BIN1: variants seen among roughly 807,000 people sequenced by gnomAD.
The protein encoded by BIN1 is bridging integrator 1, also known as myc box-dependent-interacting protein 1.
BIN1 carries 53 observed loss-of-function variants against 82.0 expected under a neutral mutation model. The observed-to-expected ratio is 0.65, with a 90% CI of 0.52 to 0.81. BIN1 has a LOEUF of 0.81. BIN1 is among the 40% of genes least tolerant of loss of function. BIN1 has a pLI of 0.00. For synonymous variants in BIN1, 302 were observed against 328.0 expected (o/e 0.92, Z 0.86); for missense variants, 642 against 784.4 (o/e 0.82, Z 2.17).
rs554314457 is a variant in BIN1 at position 127,099,811 on chromosome 2, CT to C, written c.84+7048del. ...ACAGGCGTGAGCCACTGCGCCTGGC[CT>C]TTTTTTTTTGAGACGGAGTCTCGCT... On this transcript the variant is annotated intron_variant, in intron 1 of 18. Coordinates refer to ENST00000316724, the MANE Select transcript of BIN1 (RefSeq NM_139343.3). Among the ~76,000 whole-genome samples, 201 of 146,220 alleles carry C rather than the reference CT, an allele frequency of 1.4e-3. 1 individual carries two copies. The highest frequency in any genetic ancestry group is 4.5e-3 in the African/African-American group (178 of 39,730).
chr2:127,094,206 C>T (rs1679296058), intron 1 of BIN1, among the ~76,000 whole-genome samples: 1 of 152,216 alleles, frequency 6.6e-6, no homozygotes, highest in South Asian at 2.1e-4. Context: ...TGAGGAAGAG[C>T]AGAGCTAGGA....
Position 127,070,538 on chromosome 2 carries a change from C to T in BIN1, c.315+15G>A. 2 of 1,613,838 alleles carry T rather than the reference C, an allele frequency of 1.2e-6. No individual in the cohort carries two copies. Among genetic ancestry groups the T allele is most frequent in the Admixed American group, 1.7e-5 (1 of 60,024 alleles). ...GGCCCTCTGAGAAGGGCAGGCCCAC[C>T]TGTCCCATGCTCACCTCTGCGATCT... On this transcript the variant is annotated intron_variant, in intron 4 of 18. Coordinates refer to ENST00000316724, the MANE Select transcript of BIN1 (RefSeq NM_139343.3).
intron 1 of BIN1, among the ~76,000 whole-genome samples, chr2:127,077,666 C>T (rs562770289): frequency 2.6e-5 from 4 of 151,936 alleles, no homozygotes; most frequent in Admixed American, 1.3e-4. Context: ...TGGTGGGGCA[C>T]GGTAGGAAAG....
intron 1 of BIN1, among the ~76,000 whole-genome samples, chr2:127,077,285 G>A (rs546361381): frequency 6.6e-6 from 1 of 151,976 alleles, no homozygotes; most frequent in Non-Finnish European, 1.5e-5. Flanking sequence ...TTTTAGATGT[G>A]ACCTGCCCCA....
intron 1 of BIN1, among the ~76,000 whole-genome samples, chr2:127,099,870 C>A (rs1390746533): frequency 6.6e-6 from 1 of 151,280 alleles, no homozygotes; most frequent in Non-Finnish European, 1.5e-5. Flanking sequence ...GTGGTGTGAT[C>A]TCAGCTCACT....
intron 1 of BIN1, chr2:127,081,803 A>G (rs750208971): frequency 7.8e-7 from 1 of 1,286,824 alleles, no homozygotes; most frequent in South Asian, 1.2e-5. Context: ...CCAGCTGCTG[A>G]GACCCCAGAA....
At chr2:127,070,853 G>T in intron 2 of BIN1, 37 bp from the exon 3 acceptor site, 1 of 1,599,060 alleles carries the variant, frequency 6.3e-7, no homozygotes, top group Admixed American at 1.7e-5. Flanking sequence ...TCAGGGACTG[G>T]TGGCACACCC....
At chr2:127,096,256 C>T (rs1462495610) in intron 1 of BIN1, among the ~76,000 whole-genome samples, 1 of 152,226 alleles carries the variant, frequency 6.6e-6, no homozygotes, top group East Asian at 1.9e-4. Flanking sequence ...TTAGCTTTTT[C>T]AGCCTCTACA....
intron 1 of BIN1, among the ~76,000 whole-genome samples, chr2:127,095,204 C>T (rs1366209515): frequency 2.0e-5 from 3 of 152,218 alleles, no homozygotes; most frequent in Non-Finnish European, 2.9e-5. Context: ...TCAGCTCATT[C>T]CTCGTCCTGG....
rs76414720 is a variant in BIN1, at chr2:127,053,466, G to A, written c.1240-21C>T. The A allele has an allele frequency of 0.13, 209,719 of 1,612,524 alleles. 14,644 individuals are homozygous for A. The highest frequency in any genetic ancestry group is 0.2 in the South Asian group (18,157 of 90,844). The stretch of plus-strand genomic sequence containing the variant: ...ATTGACTGAGCGCAGCAGTGAGGGC[G>A]AGAAGGACAGTTAGCACAGAGGTTA... On this transcript the variant is annotated intron_variant, in intron 13 of 18. Coordinates refer to ENST00000316724, the MANE Select transcript of BIN1 (RefSeq NM_139343.3).
At chr2:127,102,556 C>T (rs1368761679) in intron 1 of BIN1, among the ~76,000 whole-genome samples, 2 of 152,238 alleles carry the variant, frequency 1.3e-5, no homozygotes, top group African/African-American at 4.8e-5. Flanking sequence ...TCTCCTTCCC[C>T]ATGCCCCATG....
At chr2:127,072,241 C>T (rs990188805) in intron 2 of BIN1, among the ~76,000 whole-genome samples, 1 of 152,254 alleles carries the variant, frequency 6.6e-6, no homozygotes, top group African/African-American at 2.4e-5. Context: ...AGGCTCACCC[C>T]CAGCACCCTG....
chr2:127,050,386 C>A (rs1682753748), intron 18 of BIN1, 35 bp downstream of exon 18: 2 of 1,610,046 alleles, frequency 1.2e-6, no homozygotes, highest in Non-Finnish European at 1.7e-6. Context: ...TGCCTGTGGT[C>A]CCCCTGCGCT....
At chr2:127,098,592 A>C (rs1306326718) in intron 1 of BIN1, among the ~76,000 whole-genome samples, 5 of 120,590 alleles carry the variant, frequency 4.1e-5, no homozygotes, top group East Asian at 2.2e-4. Context: ...CCCCAATCCC[A>C]CCCCACCTGC....
intron 2 of BIN1, among the ~76,000 whole-genome samples, chr2:127,075,536 T>G (rs921294259): frequency 2.0e-5 from 3 of 152,176 alleles, no homozygotes; most frequent in Non-Finnish European, 2.9e-5. Flanking sequence ...CTCCCATAAC[T>G]GGCCTAAAGG....
chr2:127,087,693 G>A (rs947823890), intron 1 of BIN1, among the ~76,000 whole-genome samples: 1 of 152,214 alleles, frequency 6.6e-6, no homozygotes, highest in Non-Finnish European at 1.5e-5. Context: ...ATCCTGGCAG[G>A]GGAGGGAGGC....
chr2:127,086,236 C>G (rs555899757), intron 1 of BIN1, among the ~76,000 whole-genome samples: 1 of 152,174 alleles, frequency 6.6e-6, no homozygotes, highest in Non-Finnish European at 1.5e-5. Context: ...AGTTCCAAAG[C>G]CCAGACTCAA....
chr2:127,067,485 G>T lies in BIN1; in HGVS notation c.612+678C>A, dbSNP rs1035449131. Among the ~76,000 whole-genome samples the T allele has an allele frequency of 2.0e-5, 3 of 152,146 alleles. No individual in the cohort carries two copies. The highest frequency in any genetic ancestry group is 1.3e-4 in the Admixed American group (2 of 15,274). Reference sequence around the variant, plus strand: ...TTTGTAAAAAAGCCTCCTCCGGGAAGCCCCCCAGGAACACTGTGGTGCTGG... The same window carrying T: ...TTTGTAAAAAAGCCTCCTCCGGGAATCCCCCCAGGAACACTGTGGTGCTGG... On this transcript the variant is annotated intron_variant, in intron 7 of 18. Transcript: ENST00000316724. This position sits in a 1 kb window ranked among gnomAD's most constrained non-coding sequence, Gnocchi z 4.7.
chr2:127,095,868 T>C (rs1287989119), intron 1 of BIN1, among the ~76,000 whole-genome samples: 1 of 152,196 alleles, frequency 6.6e-6, no homozygotes, highest in Non-Finnish European at 1.5e-5. Context: ...TCTGCCCCCC[T>C]GAACCTTCCA....
Sources: gnomAD v4.1 joint callset for allele counts (sites outside exome capture counted in the v4.1 genomes callset) on GRCh38, gnomAD v4.1.1 for gene constraint, Gnocchi (gnomAD v3.1) non-coding constraint, MANE v1.5 for transcripts, NCBI Gene and HGNC (gene_info 2026-07-23, HGNC 2026-07-21) for gene names.